The following SLC9A8 variants were observed in gnomAD, a reference collection of about 807,000 sequenced individuals.
The protein encoded by SLC9A8 is solute carrier family 9 member A8, also known as sodium/hydrogen exchanger 8.
A neutral mutation model predicts 66.6 loss-of-function variants in SLC9A8; 48 were observed. The ratio of observed to expected loss-of-function variants is 0.72; its 90% CI spans 0.57 to 0.92. SLC9A8 has a LOEUF of 0.92. SLC9A8 is among the 40% of genes least tolerant of loss of function. The pLI, the probability that SLC9A8 is intolerant of heterozygous loss-of-function variation, is 0.00. For missense variants in SLC9A8, 599 were observed against 747.3 expected (o/e 0.80, Z 2.31); for synonymous variants, 274 against 282.6 (o/e 0.97, Z 0.31).
chr20:49,829,538 C>A, intron 3 of SLC9A8: 1 of 282,306 alleles, frequency 3.5e-6, no homozygotes, highest in Non-Finnish European at 6.9e-6. Flanking sequence ...AAAAAAAGAA[C>A]CTCATGGAAA....
intron 3 of SLC9A8, among the ~76,000 whole-genome samples, chr20:49,831,501 A>G (rs779773809): frequency 1.3e-5 from 2 of 151,796 alleles, no homozygotes; most frequent in Non-Finnish European, 2.9e-5. Context: ...TTCTTCTTCC[A>G]AGCTTGTCTT....
intron 9 of SLC9A8, among the ~76,000 whole-genome samples, chr20:49,864,129 C>T (rs1034063153): frequency 7.2e-5 from 11 of 151,882 alleles, no homozygotes; most frequent in African/African-American, 2.4e-4. Context: ...ACTGTGAGCT[C>T]CAGTATAGGC....
intron 5 of SLC9A8, among the ~76,000 whole-genome samples, chr20:49,847,131 A>G (rs2088031195): frequency 6.6e-6 from 1 of 152,050 alleles, no homozygotes; most frequent in South Asian, 2.1e-4. Flanking sequence ...TTGTGCATCT[A>G]TCCAAAGAAA....
intron 5 of SLC9A8, among the ~76,000 whole-genome samples, chr20:49,847,069 C>CA (rs2088028424): frequency 6.6e-6 from 1 of 151,742 alleles, no homozygotes; most frequent in South Asian, 2.1e-4. Flanking sequence ...TGTACTAAAA[C>CA]AAAAGCATAT....
intron 2 of SLC9A8, among the ~76,000 whole-genome samples, chr20:49,821,784 G>C (rs950209303): frequency 2.6e-5 from 4 of 152,104 alleles, no homozygotes; most frequent in Non-Finnish European, 4.4e-5. Context: ...CCGGGGGGTT[G>C]GTGGGGGCAG....
rs1340191891 is a variant in SLC9A8 at position 49,889,750 on chromosome 20, G to C, written c.*1814G>C. 1 of 152,110 alleles carries C rather than the reference G, an allele frequency of 6.6e-6. No individual in the cohort carries two copies. The highest frequency in any genetic ancestry group is 1.5e-5 in the Non-Finnish European group (1 of 68,012). The allele number at this position is 152,110 out of a possible 1,614,324, so 9.4% of individuals were successfully genotyped here. On this transcript the variant is annotated 3_prime_UTR_variant, in exon 16 of 16. Coordinates refer to ENST00000361573, the MANE Select transcript of SLC9A8 (RefSeq NM_015266.3). ...AGGAAGTCAGAGGGTAGGGACCTTT[G>C]CCTGCCCCTGGGCGAGTGCGGGCAG...
chr20:49,834,304 T>A (rs2087367180), intron 3 of SLC9A8, among the ~76,000 whole-genome samples: 1 of 138,186 alleles, frequency 7.2e-6, no homozygotes, highest in Non-Finnish European at 1.5e-5. Flanking sequence ...ACACACTATA[T>A]ATACAGTGTG....
intron 13 of SLC9A8, among the ~76,000 whole-genome samples, chr20:49,883,334 A>G (rs568910898): frequency 2.0e-5 from 3 of 152,148 alleles, no homozygotes; most frequent in African/African-American, 7.2e-5. Context: ...TACTGGACAC[A>G]TTGCATCTTG....
At chr20:49,861,814 A>G (rs1053340835) in intron 8 of SLC9A8, among the ~76,000 whole-genome samples, 1 of 152,180 alleles carries the variant, frequency 6.6e-6, no homozygotes, top group African/African-American at 2.4e-5. Context: ...TGTTACAGTA[A>G]AAGGAAAGTT....
chr20:49,834,704 G>A (rs2087461058), intron 3 of SLC9A8, among the ~76,000 whole-genome samples: 5 of 151,690 alleles, frequency 3.3e-5, no homozygotes, highest in African/African-American at 9.7e-5. Flanking sequence ...GCGCTTCCTA[G>A]TACATCATAA....
rs1185412571 is a variant in SLC9A8, at chr20:49,838,837, A to G, written c.290-704A>G. 2.6e-5 allele frequency among the ~76,000 whole-genome samples: 4 copies of G among 152,170 alleles called. No homozygotes were observed. In the South Asian group the frequency reaches 8.3e-4, roughly 31 times the overall value. On this transcript the variant is annotated intron_variant, in intron 3 of 15. Transcript: ENST00000361573. ...CTACAATGAGTAGGTCTGGAGTTCT[A>G]CTTGGGCGTCTTTATTTTATAAAAA...
Position 49,884,311 on chromosome 20 carries a change from C to CG in SLC9A8, c.1491+245_1491+246insG, listed in dbSNP as rs1214007838. On this transcript the variant is annotated intron_variant, in intron 14 of 15. Coordinates refer to ENST00000361573, the MANE Select transcript of SLC9A8 (RefSeq NM_015266.3). The stretch of plus-strand genomic sequence containing the variant: ...CACGACACACACACACACACACACA[C>CG]ACACACACACACACACACACACACA... Among the ~76,000 whole-genome samples, 30 of 133,312 alleles carry CG rather than the reference C, an allele frequency of 2.3e-4. 2 individuals are homozygous for CG. Among genetic ancestry groups the CG allele is most frequent in the South Asian group, 1.0e-3 (4 of 3,944 alleles). The allele number at this position is 133,312 out of a possible 152,430, so 87.5% of individuals were successfully genotyped here.
intron 9 of SLC9A8, chr20:49,863,717 A>C (rs627898): frequency 0.33 from 50,189 of 152,176 alleles, 9,577 homozygotes; most frequent in South Asian, 0.57. Context: ...CCAGCTGGAG[A>C]TGGAAAGAGG....
chr20:49,882,553 G>A (rs2089668958), intron 13 of SLC9A8, among the ~76,000 whole-genome samples: 2 of 152,128 alleles, frequency 1.3e-5, no homozygotes, highest in African/African-American at 2.4e-5. Flanking sequence ...GCGCTCACCC[G>A]TCCACTGGCC....
chr20:49,817,970 A>G (rs1477933952), intron 2 of SLC9A8, among the ~76,000 whole-genome samples: 1 of 152,178 alleles, frequency 6.6e-6, no homozygotes, highest in Non-Finnish European at 1.5e-5. Context: ...AAGGAGTATT[A>G]TTAATCTATT....
intron 8 of SLC9A8, among the ~76,000 whole-genome samples, chr20:49,856,210 C>A (rs536057562): frequency 6.6e-5 from 10 of 152,172 alleles, no homozygotes; most frequent in South Asian, 6.2e-4. Flanking sequence ...GCTTCTGATT[C>A]ATTTGGTCTG....
At chr20:49,833,919 CCTCA>C (rs1217790403) in intron 3 of SLC9A8, among the ~76,000 whole-genome samples, 1 of 151,914 alleles carries the variant, frequency 6.6e-6, no homozygotes, top group Non-Finnish European at 1.5e-5. Context: ...TTATTTTTAA[CCTCA>C]CTCTTTTACA....
At chr20:49,823,834 A>G (rs903194912) in intron 3 of SLC9A8, among the ~76,000 whole-genome samples, 10 of 152,180 alleles carry the variant, frequency 6.6e-5, no homozygotes, top group Non-Finnish European at 1.2e-4. Flanking sequence ...GGTCAGCCAA[A>G]GCTTTTTATC....
intron 12 of SLC9A8, among the ~76,000 whole-genome samples, chr20:49,878,568 A>G (rs6095700): frequency 5.9e-5 from 9 of 152,112 alleles, no homozygotes; most frequent in African/African-American, 2.2e-4. Context: ...TTGTCTATTT[A>G]TATTTGTCTA....
Sources: gnomAD v4.1 joint callset for allele counts (sites outside exome capture counted in the v4.1 genomes callset) on GRCh38, gnomAD v4.1.1 for gene constraint, MANE v1.5 for transcripts, NCBI Gene and HGNC (gene_info 2026-07-23, HGNC 2026-07-21) for gene names.